CIP2A: variants seen among roughly 807,000 people sequenced by gnomAD.
CIP2A encodes the protein protein CIP2A.
Under a neutral mutation model 110.9 loss-of-function variants are expected in CIP2A, and 103 were observed. The ratio of observed to expected loss-of-function variants is 0.93; its 90% CI spans 0.79 to 1.09. The LOEUF (loss-of-function observed/expected upper bound fraction) is 1.09, where lower values mean the gene tolerates loss of function less well. Ranked by LOEUF, CIP2A falls within the 50% of genes least tolerant of loss-of-function variation. The probability of loss-of-function intolerance (pLI) is 0.00; values close to 1 mark genes in which losing one functional copy is unlikely to be tolerated. For synonymous variants in CIP2A, 381 were observed against 361.6 expected (o/e 1.05, Z -0.61); for missense variants, 1,088 against 1,038.4 (o/e 1.05, Z -0.66).
rs530784129 is a variant in CIP2A at position 108,582,312 on chromosome 3, A to G, written c.358-110T>C. 370 of 453,096 alleles carry G rather than the reference A, an allele frequency of 8.2e-4. 1 individual carries two copies. The highest frequency in any genetic ancestry group is 2.4e-3 in the African/African-American group (118 of 48,990). The allele number at this position is 453,096 out of a possible 1,614,324, so 28.1% of individuals were successfully genotyped here. ...ATGTCCTTTTCCATTTCCTAAAACA[A>G]TTTTTTTAAAAAACACATGTAAAGT... On this transcript the variant is annotated intron_variant, in intron 3 of 20. Transcript: ENST00000295746.
chr3:108,575,802 G>GTA lies in CIP2A; in HGVS notation c.894+467_894+468dup, dbSNP rs1168154438. Among the ~76,000 whole-genome samples, 2 of 41,158 alleles carry GTA rather than the reference G, an allele frequency of 4.9e-5. 1 individual carries two copies. The highest frequency in any genetic ancestry group is 1.3e-4 in the Non-Finnish European group (2 of 15,232). 27.0% of individuals were successfully genotyped at this position (41,158 alleles called of 152,430 possible). On this transcript the variant is annotated intron_variant, in intron 8 of 20. Coordinates refer to ENST00000295746, the MANE Select transcript of CIP2A (RefSeq NM_020890.3). ...CTCATATACATGTGTATATATACGT[G>GTA]TATATATACTCATATACATGTGTAT...
At chr3:108,585,576 T>C (rs1939017761) in intron 1 of CIP2A, 5 of 409,076 alleles carry the variant, frequency 1.2e-5, no homozygotes, top group South Asian at 5.6e-5. Context: ...TCACACTACA[T>C]TGAACATGCG....
chr3:108,588,178 C>A (rs1939143613), intron 1 of CIP2A, among the ~76,000 whole-genome samples: 1 of 152,170 alleles, frequency 6.6e-6, no homozygotes, highest in African/African-American at 2.4e-5. Flanking sequence ...AAACGGACTG[C>A]CCTGCTTATT....
Position 108,576,268 on chromosome 3 carries a change from T to C in CIP2A, c.894+3A>G. 2.6e-6 allele frequency: 4 copies of C among 1,523,246 alleles called. No individual in the cohort carries two copies. Among genetic ancestry groups the C allele is most frequent in the South Asian group, 1.3e-5 (1 of 78,088 alleles). The allele number at this position is 1,523,246 out of a possible 1,614,324, so 94.4% of individuals were successfully genotyped here. On this transcript the variant is annotated splice_donor_region_variant and intron_variant, in intron 8 of 20. Coordinates refer to ENST00000295746, the MANE Select transcript of CIP2A (RefSeq NM_020890.3). ...TTAAATGAAAAGTCATGTTTTTACA[T>C]ACCTTTGAAGAGGAATCAGGATCCT...
intron 8 of CIP2A, among the ~76,000 whole-genome samples, chr3:108,575,937 C>T (rs961580552): frequency 6.8e-6 from 1 of 147,994 alleles, no homozygotes; most frequent in East Asian, 2.0e-4. Context: ...CATACATATA[C>T]GTATATATAC....
intron 8 of CIP2A, among the ~76,000 whole-genome samples, chr3:108,572,196 T>G (rs1343181208): frequency 6.6e-6 from 1 of 152,110 alleles, no homozygotes; most frequent in Admixed American, 6.6e-5. Flanking sequence ...AATTTTAATG[T>G]AGCCCAACTT....
intron 20 of CIP2A, 121 bp downstream of exon 20, chr3:108,552,113 G>T: frequency 1.5e-6 from 1 of 668,094 alleles, no homozygotes; most frequent in East Asian, 3.2e-5. Context: ...AAGCTGCTTT[G>T]AGATCCTAAT....
intron 8 of CIP2A, among the ~76,000 whole-genome samples, chr3:108,575,352 A>ATGTGTATATATACATATACACACG (rs1938546596): frequency 6.8e-6 from 1 of 148,022 alleles, no homozygotes; most frequent in African/African-American, 2.6e-5. Context: ...ATATACACAC[A>ATGTGTATATATACATATACACACG]TGTGTATATA....
At chr3:108,567,955 A>G (rs970780105) in intron 10 of CIP2A, among the ~76,000 whole-genome samples, 200 bp downstream of exon 10, 1 of 152,018 alleles carries the variant, frequency 6.6e-6, no homozygotes, top group African/African-American at 2.4e-5. Flanking sequence ...TTTCACACAG[A>G]AAAATAAGGA....
intron 1 of CIP2A, among the ~76,000 whole-genome samples, chr3:108,585,927 G>C (rs761567590): frequency 2.6e-5 from 4 of 151,400 alleles, no homozygotes; most frequent in Non-Finnish European, 5.9e-5. Context: ...CACACAGAGT[G>C]AAAGAGAGAA....
chr3:108,579,278 T>C lies in CIP2A; in HGVS notation c.818+3A>G. 6.2e-7 allele frequency: 1 copy of C among 1,605,782 alleles called. No individual in the cohort carries two copies. ...TTCTAAAATTGACTGAAGTGAGTCA[T>C]ACCTGGTGAGATAATCAGCAATTTT... On this transcript the variant is annotated splice_donor_region_variant and intron_variant, in intron 7 of 20. Transcript: ENST00000295746.
intron 16 of CIP2A, 107 bp downstream of exon 16, chr3:108,559,650 C>A: frequency 1.9e-6 from 1 of 539,886 alleles, no homozygotes; most frequent in African/African-American, 1.9e-5. Context: ...ATGTCAAATG[C>A]TAAGGAGAAT....
chr3:108,555,275 C>A (rs991657306), intron 17 of CIP2A, among the ~76,000 whole-genome samples: 1 of 152,122 alleles, frequency 6.6e-6, no homozygotes, highest in African/African-American at 2.4e-5. Context: ...AAGCAGGTAT[C>A]CCCTTTTTAG....
At chr3:108,555,737 G>C (rs1054404538) in intron 17 of CIP2A, among the ~76,000 whole-genome samples, 2 of 152,050 alleles carry the variant, frequency 1.3e-5, no homozygotes, top group East Asian at 1.9e-4. Flanking sequence ...AAAATCTTTG[G>C]GTCTACCCAT....
chr3:108,572,149 ATTCTT>A (rs1938421433), intron 8 of CIP2A, among the ~76,000 whole-genome samples: 1 of 151,992 alleles, frequency 6.6e-6, no homozygotes, highest in African/African-American at 2.4e-5. Flanking sequence ...TTGACTTTTC[ATTCTT>A]TTATTAGTGG....
At chr3:108,581,588 A>C in intron 4 of CIP2A, 77 bp from the exon 5 acceptor site, 2 of 834,944 alleles carry the variant, frequency 2.4e-6, no homozygotes, top group Non-Finnish European at 3.9e-6. Context: ...TCTAAGTCAA[A>C]ATGATATAGT....
chr3:108,568,433 T>G, intron 9 of CIP2A, 119 bp from the exon 10 acceptor site: 1 of 725,136 alleles, frequency 1.4e-6, no homozygotes, highest in Non-Finnish European at 2.2e-6. Flanking sequence ...AATATGCCAT[T>G]GACCTAAGTC....
chr3:108,570,555 C>T (rs1414653844), intron 8 of CIP2A, among the ~76,000 whole-genome samples: 10 of 152,118 alleles, frequency 6.6e-5, no homozygotes, highest in Admixed American at 6.6e-4. Flanking sequence ...CAGAATATTA[C>T]TGTACTAAAT....
chr3:108,566,081 G>T (rs150859555), intron 11 of CIP2A, among the ~76,000 whole-genome samples: 5 of 151,758 alleles, frequency 3.3e-5, no homozygotes, highest in Non-Finnish European at 7.4e-5. Flanking sequence ...TTCCTGACCT[G>T]CCAAGGAAGG....
Sources: gnomAD v4.1 joint callset for allele counts (sites outside exome capture counted in the v4.1 genomes callset) on GRCh38, gnomAD v4.1.1 for gene constraint, MANE v1.5 for transcripts, NCBI Gene and HGNC (gene_info 2026-07-23, HGNC 2026-07-21) for gene names.